The following WWOX variants were observed in gnomAD, a reference collection of about 807,000 sequenced individuals.
WWOX encodes the protein WW domain-containing oxidoreductase.
In WWOX, 69 loss-of-function variants were observed where a neutral mutation model predicts 46.2. The observed-to-expected ratio is 1.49, with a 90% CI of 1.23 to 1.82. WWOX has a LOEUF of 1.82. Ranked by LOEUF, WWOX falls within the 40% of genes most tolerant of loss-of-function variation. The pLI is 0.00. For synonymous variants in WWOX, 359 were observed against 202.6 expected (o/e 1.77, Z -6.56); for missense variants, 919 against 542.6 (o/e 1.69, Z -6.89).
At chr16:78,422,916 C>G (rs970308597) in intron 6 of WWOX, among the ~76,000 whole-genome samples, 2 of 148,382 alleles carry the variant, frequency 1.3e-5, no homozygotes, top group African/African-American at 5.0e-5. Context: ...GATGGAGTGT[C>G]TCTCTGTTGC....
At chr16:78,762,745 C>T (rs1463155160) in intron 8 of WWOX, among the ~76,000 whole-genome samples, 1 of 152,230 alleles carries the variant, frequency 6.6e-6, no homozygotes. Flanking sequence ...CCAAATTCTA[C>T]TACATCCCAG....
At chr16:78,536,518 T>A (rs1466764447) in intron 8 of WWOX, among the ~76,000 whole-genome samples, 1 of 152,158 alleles carries the variant, frequency 6.6e-6, no homozygotes, top group Non-Finnish European at 1.5e-5. Flanking sequence ...AGTCCGCTGA[T>A]TGTTTTTCTC....
chr16:79,115,378 G>C (rs773922294), intron 8 of WWOX, among the ~76,000 whole-genome samples: 18 of 152,160 alleles, frequency 1.2e-4, no homozygotes, highest in Non-Finnish European at 2.4e-4. Context: ...AGGGTGGTCA[G>C]TAAGTAGGAA....
At chr16:78,341,415 A>T (rs967151060) in intron 5 of WWOX, among the ~76,000 whole-genome samples, 1 of 121,612 alleles carries the variant, frequency 8.2e-6, no homozygotes, top group Non-Finnish European at 2.0e-5. Flanking sequence ...AAAAATCAAT[A>T]TGTATAATCC....
In WWOX at chr16:78,767,705, G is replaced by T. The variant is rs939290243; in HGVS notation, c.1056+334953G>T. Reference sequence around the variant, plus strand: ...CCACCAGCAGTGCATCAGGATTCTAGTTGCTCCACATCTACCCAATACTTA... The same window carrying T: ...CCACCAGCAGTGCATCAGGATTCTATTTGCTCCACATCTACCCAATACTTA... On this transcript the variant is annotated intron_variant, in intron 8 of 8. Coordinates refer to ENST00000566780, the MANE Select transcript of WWOX (RefSeq NM_016373.4). Among the ~76,000 whole-genome samples the T allele has an allele frequency of 5.3e-5, 8 of 152,056 alleles. No individual in the cohort carries two copies. The East Asian group carries it at 7.7e-4, about 15-fold the overall frequency.
intron 1 of WWOX, among the ~76,000 whole-genome samples, chr16:78,104,331 A>ACACG (rs56307970): frequency 2.6e-4 from 39 of 149,606 alleles, no homozygotes; most frequent in African/African-American, 6.7e-4. Context: ...CTCAAAAAAC[A>ACACG]CACGCACGCA....
chr16:78,868,812 G>C (rs2044063474), intron 8 of WWOX, among the ~76,000 whole-genome samples: 1 of 152,310 alleles, frequency 6.6e-6, no homozygotes, highest in African/African-American at 2.4e-5. Context: ...TCTGGCAGGA[G>C]AGGAAAGACC....
At chr16:78,424,773 G>A (rs1348433198) in intron 6 of WWOX, 97 bp from the exon 7 acceptor site, 2 of 1,337,378 alleles carry the variant, frequency 1.5e-6, no homozygotes, top group Admixed American at 1.7e-5. Flanking sequence ...CTTGGTTGTA[G>A]TGTTTATGTC....
chr16:78,210,509 A>ACT (rs970784315), intron 5 of WWOX, among the ~76,000 whole-genome samples: 45 of 150,768 alleles, frequency 3.0e-4, no homozygotes, highest in African/African-American at 8.3e-4. Flanking sequence ...ACAGACACAC[A>ACT]CTCTCTCTCT....
At chr16:78,455,992 T>C (rs2083807917) in intron 8 of WWOX, among the ~76,000 whole-genome samples, 2 of 152,252 alleles carry the variant, frequency 1.3e-5, no homozygotes, top group Non-Finnish European at 2.9e-5. Flanking sequence ...ACCTGTGCTA[T>C]GTAGCTTATC....
intron 8 of WWOX, among the ~76,000 whole-genome samples, chr16:79,025,821 G>T (rs185823073): frequency 6.2e-5 from 1 of 16,136 alleles, no homozygotes; most frequent in Admixed American, 8.6e-4. Context: ...TTTTTGAGAC[G>T]GAGTTTTGCT....
At chr16:79,165,578 G>C (rs974967538) in intron 8 of WWOX, among the ~76,000 whole-genome samples, 1 of 152,184 alleles carries the variant, frequency 6.6e-6, no homozygotes, top group Non-Finnish European at 1.5e-5. Flanking sequence ...GTTGTATTCT[G>C]TTCCCTCTTT....
intron 8 of WWOX, among the ~76,000 whole-genome samples, chr16:78,593,787 A>C (rs2045408877): frequency 6.6e-6 from 1 of 152,164 alleles, no homozygotes; most frequent in Non-Finnish European, 1.5e-5. Flanking sequence ...AGAAAGGAGT[A>C]GAGATGAAAC....
chr16:78,947,372 C>T (rs1310886358), intron 8 of WWOX, among the ~76,000 whole-genome samples: 1 of 145,364 alleles, frequency 6.9e-6, no homozygotes, highest in Non-Finnish European at 1.5e-5. Context: ...TTATTTTTCT[C>T]TTCCCCCCCT....
chr16:78,716,308 C>G (rs1279507768), intron 8 of WWOX, among the ~76,000 whole-genome samples: 1 of 152,072 alleles, frequency 6.6e-6, no homozygotes, highest in Non-Finnish European at 1.5e-5. Context: ...TCCCCTCCAG[C>G]CTTTGGAGGG....
At chr16:78,988,957 G>C (rs4146510) in intron 8 of WWOX, among the ~76,000 whole-genome samples, 20,203 of 152,098 alleles carry the variant, frequency 0.13, 1,640 homozygotes, top group East Asian at 0.42. Context: ...TTTTGCTTCA[G>C]GAACTAGGCA....
In WWOX at chr16:78,348,931, G is replaced by A. The variant is rs1214987660; in HGVS notation, c.517-37929G>A. ...AGAAATCAGGGTGGAAAATAGCCCA[G>A]CAGAGGGGAAAAGAGGAAGTCTGAA... On this transcript the variant is annotated intron_variant, in intron 5 of 8. Transcript: ENST00000566780. Among the ~76,000 whole-genome samples the A allele has an allele frequency of 1.7e-5, 2 of 120,242 alleles. 1 individual carries two copies. 78.9% of individuals were successfully genotyped at this position (120,242 alleles called of 152,430 possible). A position where few individuals can be genotyped will look rare whatever the true frequency, so the allele number is the denominator to read the frequency against.
intron 5 of WWOX, among the ~76,000 whole-genome samples, chr16:78,236,706 T>C (rs1175960396): frequency 3.3e-5 from 5 of 152,158 alleles, no homozygotes; most frequent in Non-Finnish European, 5.9e-5. Context: ...TAGTTAAACA[T>C]GTGCTGAAAT....
intron 8 of WWOX, among the ~76,000 whole-genome samples, chr16:79,063,578 C>A (rs945350590): frequency 6.6e-6 from 1 of 152,148 alleles, no homozygotes; most frequent in African/African-American, 2.4e-5. Flanking sequence ...ATTCCAGGAG[C>A]GGATTTGGAA....
Sources: allele counts gnomAD v4.1 joint callset (sites outside exome capture counted in the v4.1 genomes callset), GRCh38; gene constraint gnomAD v4.1.1; transcripts MANE v1.5; gene names NCBI Gene and HGNC (gene_info 2026-07-23, HGNC 2026-07-21).